DLGAP5: variants seen among roughly 807,000 people sequenced by gnomAD.
The protein encoded by DLGAP5 is disks large-associated protein 5.
A neutral mutation model predicts 99.6 loss-of-function variants in DLGAP5; 90 were observed. That is an observed-to-expected ratio of 0.90 (90% CI 0.76 to 1.08). The LOEUF (loss-of-function observed/expected upper bound fraction) is 1.08. Among genes scored for constraint, DLGAP5 ranks in the 50% least tolerant of loss-of-function variants. DLGAP5 has a pLI of 0.00. For missense variants in DLGAP5, 1,036 were observed against 983.5 expected (o/e 1.05, Z -0.71); for synonymous variants, 311 against 321.3 (o/e 0.97, Z 0.34).
intron 14 of DLGAP5, among the ~76,000 whole-genome samples, chr14:55,155,317 G>A (rs571837979): frequency 1.4e-4 from 21 of 150,450 alleles, no homozygotes; most frequent in South Asian, 4.2e-4. Context: ...GAGCCACTGC[G>A]CCAGGCCTGA....
chr14:55,188,611 T>C, intron 2 of DLGAP5, among the ~76,000 whole-genome samples: 1 of 152,006 alleles, frequency 6.6e-6, no homozygotes, highest in Non-Finnish European at 1.5e-5. Context: ...TAGTTAGTTG[T>C]AGATAACAGG....
chr14:55,148,288 A>G lies in DLGAP5; in HGVS notation c.*63T>C. The G allele has an allele frequency of 2.0e-6, 3 of 1,522,820 alleles. No homozygotes were observed. Among genetic ancestry groups the G allele is most frequent in the Non-Finnish European group, 2.7e-6 (3 of 1,117,654 alleles). 94.3% of individuals were successfully genotyped at this position (1,522,820 alleles called of 1,614,324 possible). A position where few individuals can be genotyped will look rare whatever the true frequency, so the allele number is the denominator to read the frequency against. ...CAAATACATTTTCTCCAAAATTTCA[A>G]TAGTCTAAGGAATATATAAGCATTG... On this transcript the variant is annotated 3_prime_UTR_variant, in exon 19 of 19. Coordinates refer to ENST00000247191, the MANE Select transcript of DLGAP5 (RefSeq NM_014750.5).
Position 55,158,514 on chromosome 14 carries a change from CA to C in DLGAP5, c.1873+7del. The C allele has an allele frequency of 6.2e-7, 1 of 1,608,580 alleles. No individual in the cohort carries two copies. The highest frequency in any genetic ancestry group is 8.5e-7 in the Non-Finnish European group (1 of 1,177,498). On this transcript the variant is annotated splice_region_variant and intron_variant, in intron 14 of 18. Coordinates refer to ENST00000247191, the MANE Select transcript of DLGAP5 (RefSeq NM_014750.5). ...AACAAAAAAAATAAAAAATCAAAAA[CA>C]ACTAACCTGAGAATAATTTAACAGG... is the stretch of plus-strand genomic sequence containing the variant.
At chr14:55,181,080 A>C (rs8012105) in intron 5 of DLGAP5, 133 bp downstream of exon 5, 98,237 of 874,090 alleles carry the variant, frequency 0.11, 7,404 homozygotes, top group African/African-American at 0.33. Context: ...GTGCCACTGC[A>C]CTCCAACCTG....
chr14:55,188,840 A>G (rs1405888367), intron 2 of DLGAP5, 102 bp downstream of exon 2: 1 of 763,650 alleles, frequency 1.3e-6, no homozygotes, highest in Non-Finnish European at 2.1e-6. Context: ...ATAGAATGGT[A>G]TTTCAAAACT....
intron 6 of DLGAP5, among the ~76,000 whole-genome samples, chr14:55,180,239 T>C (rs1232564239): frequency 6.6e-6 from 1 of 152,198 alleles, no homozygotes; most frequent in Middle Eastern, 3.2e-3. Context: ...GGTATGGTTT[T>C]CCAGTCCTAT....
At chr14:55,161,282 A>C in intron 13 of DLGAP5, among the ~76,000 whole-genome samples, 1 of 152,112 alleles carries the variant, frequency 6.6e-6, no homozygotes, top group Non-Finnish European at 1.5e-5. Flanking sequence ...CCTTAATAAG[A>C]AATACCCACA....
chr14:55,176,993 A>G, intron 8 of DLGAP5, 69 bp downstream of exon 8: 1 of 1,001,644 alleles, frequency 1.0e-6, no homozygotes, highest in Non-Finnish European at 1.3e-6. Flanking sequence ...AAAAAAAAAA[A>G]AAAAAAAAAA....
At chr14:55,185,062 C>A (rs1453517725) in intron 2 of DLGAP5, among the ~76,000 whole-genome samples, 1 of 152,218 alleles carries the variant, frequency 6.6e-6, no homozygotes, top group African/African-American at 2.4e-5. Flanking sequence ...TTTTCCTCTA[C>A]TGAATTGTTG....
intron 18 of DLGAP5, among the ~76,000 whole-genome samples, chr14:55,149,448 G>T (rs1881935005): frequency 6.6e-6 from 1 of 152,188 alleles, no homozygotes; most frequent in African/African-American, 2.4e-5. Flanking sequence ...AAAAAAGGCA[G>T]CTTTGAAAAA....
chr14:55,162,925 C>T lies in DLGAP5; in HGVS notation c.1653+46G>A, dbSNP rs765590172. The T allele has an allele frequency of 3.9e-6, 4 of 1,029,090 alleles. No homozygotes were observed. In the East Asian group the frequency reaches 1.0e-4, roughly 26 times the overall value. 63.7% of individuals were successfully genotyped at this position (1,029,090 alleles called of 1,614,324 possible). ...AAATTTGGATGTATGTATAACAGTT[C>T]CTTAACTAAAAAAAAAAAAATTGGA... is the stretch of plus-strand genomic sequence containing the variant. On this transcript the variant is annotated intron_variant, in intron 13 of 18. Coordinates refer to ENST00000247191, the MANE Select transcript of DLGAP5 (RefSeq NM_014750.5).
intron 10 of DLGAP5, among the ~76,000 whole-genome samples, chr14:55,171,590 AC>A (rs141534371): frequency 0.018 from 2,807 of 152,276 alleles, 79 homozygotes; most frequent in African/African-American, 0.06. Flanking sequence ...AAATAGACTT[AC>A]CACACAACCC....
chr14:55,184,901 T>C (rs1883383512), intron 2 of DLGAP5, among the ~76,000 whole-genome samples: 1 of 152,218 alleles, frequency 6.6e-6, no homozygotes, highest in South Asian at 2.1e-4. Flanking sequence ...ACAAAAATTG[T>C]ATGAAATAAT....
intron 7 of DLGAP5, among the ~76,000 whole-genome samples, chr14:55,178,461 T>C (rs1055884081): frequency 2.6e-5 from 4 of 152,236 alleles, no homozygotes; most frequent in African/African-American, 4.8e-5. Context: ...TGTTACTTGG[T>C]ATTTAAATAA....
At chr14:55,170,897 A>G (rs1413050982) in intron 10 of DLGAP5, 110 bp from the exon 11 acceptor site, 7 of 726,842 alleles carry the variant, frequency 9.6e-6, no homozygotes, top group Non-Finnish European at 1.6e-5. Flanking sequence ...AGGGAGCCAC[A>G]ATATTTTCCC....
intron 17 of DLGAP5, among the ~76,000 whole-genome samples, chr14:55,151,211 C>A (rs1346604639): frequency 6.6e-6 from 1 of 152,082 alleles, no homozygotes. Context: ...AACTGGCACA[C>A]ATTATAACAA....
At position 55,177,500 on chromosome 14, in the gene DLGAP5, C is replaced by T. The variant is rs1883116960; in HGVS notation, c.775-164G>A. 2.0e-5 allele frequency among the ~76,000 whole-genome samples: 3 copies of T among 151,404 alleles called. No homozygotes were observed. In the South Asian group the frequency reaches 6.2e-4, roughly 31 times the overall value. On this transcript the variant is annotated intron_variant, in intron 7 of 18. Coordinates refer to ENST00000247191, the MANE Select transcript of DLGAP5 (RefSeq NM_014750.5). ...TAAGTGTATACATGGAATCAGAAGA[C>T]CAGTTACGCTAAATCCATTGCTATT...
chr14:55,186,876 A>G (rs1439192152), intron 2 of DLGAP5, among the ~76,000 whole-genome samples: 1 of 152,120 alleles, frequency 6.6e-6, no homozygotes, highest in East Asian at 1.9e-4. Flanking sequence ...ATCCTCTTAC[A>G]TTACTTTGCA....
At chr14:55,189,736 C>T (rs1008459324) in intron 1 of DLGAP5, among the ~76,000 whole-genome samples, 6 of 152,186 alleles carry the variant, frequency 3.9e-5, no homozygotes, top group African/African-American at 1.2e-4. Context: ...TCAGGTAGCA[C>T]CACTGTTTAG....
Sources: gnomAD v4.1 joint callset for allele counts (sites outside exome capture counted in the v4.1 genomes callset) on GRCh38, gnomAD v4.1.1 for gene constraint, MANE v1.5 for transcripts, NCBI Gene and HGNC (gene_info 2026-07-23, HGNC 2026-07-21) for gene names.